The following NEK1 variants were observed in gnomAD, a reference collection of about 807,000 sequenced individuals.
NEK1 encodes NIMA related kinase 1.
A neutral mutation model predicts 182.1 loss-of-function variants in NEK1; 137 were observed. The ratio of observed to expected loss-of-function variants is 0.75; its 90% CI spans 0.65 to 0.87. The LOEUF (loss-of-function observed/expected upper bound fraction) is 0.87, where lower values mean the gene tolerates loss of function less well. NEK1 is among the 40% of genes least tolerant of loss of function. The probability of loss-of-function intolerance (pLI) is 0.00; values close to 1 mark genes in which losing one functional copy is unlikely to be tolerated. For synonymous variants in NEK1, 513 were observed against 492.2 expected, an observed-to-expected ratio of 1.04 and a Z score of -0.56; for missense variants, 1,391 against 1,494.4, an observed-to-expected ratio of 0.93 and a Z score of 1.14.
At chr4:169,551,763 A>G (rs1761456677) in intron 18 of NEK1, among the ~76,000 whole-genome samples, 1 of 152,114 alleles carries the variant, frequency 6.6e-6, no homozygotes. Context: ...TTTTTCTAAA[A>G]CTAACCTACA....
chr4:169,428,723 A>T (rs1736879909), intron 29 of NEK1, among the ~76,000 whole-genome samples: 2 of 152,130 alleles, frequency 1.3e-5, no homozygotes, highest in Admixed American at 1.3e-4. Flanking sequence ...CGTTATGTGA[A>T]TTTTATTCCA....
intron 2 of NEK1, among the ~76,000 whole-genome samples, chr4:169,603,544 G>T (rs1337704155): frequency 6.6e-6 from 1 of 152,150 alleles, no homozygotes; most frequent in East Asian, 1.9e-4. Flanking sequence ...ATTAGTTAAT[G>T]TAAGAATGTA....
chr4:169,451,449 G>A (rs979939758), intron 27 of NEK1, among the ~76,000 whole-genome samples: 11 of 152,118 alleles, frequency 7.2e-5, no homozygotes, highest in Admixed American at 2.0e-4. Context: ...TCAGACCACA[G>A]TGCAATCAAA....
In NEK1 at chr4:169,400,225, C is replaced by T. The variant is rs1561118792; in HGVS notation, c.3847G>A (p.Asp1283Asn). 5 of 1,577,202 alleles carry T rather than the reference C, an allele frequency of 3.2e-6. No individual in the cohort carries two copies. Among genetic ancestry groups the T allele is most frequent in the Non-Finnish European group, 3.5e-6 (4 of 1,158,962 alleles). The change falls in exon 35 of 36, where the codon GAT becomes AAT. Residue 1283 changes from aspartate (D) to asparagine (N), a missense_variant and splice_region_variant. Transcript: ENST00000507142. The stretch of plus-strand genomic sequence containing the variant: ...ATACAGACATGTGAGGAAATCTTAC[C>T]TTCTTGGTAGGCTCCATCTGCCATG... ...LVMADGAYQE[D>N]NDE
intron 32 of NEK1, among the ~76,000 whole-genome samples, chr4:169,405,733 A>T (rs960941570): frequency 2.0e-5 from 3 of 151,952 alleles, no homozygotes; most frequent in East Asian, 2.0e-4. Flanking sequence ...TCTTGGGCTC[A>T]AATGATTTTT....
intron 19 of NEK1, among the ~76,000 whole-genome samples, chr4:169,511,132 A>T (rs1386886209): frequency 6.6e-6 from 1 of 152,134 alleles, no homozygotes; most frequent in East Asian, 1.9e-4. Context: ...AAAAACACCT[A>T]CTTCTTGGGT....
At chr4:169,481,821 G>GT (rs1748083211) in intron 23 of NEK1, among the ~76,000 whole-genome samples, 1 of 152,194 alleles carries the variant, frequency 6.6e-6, no homozygotes, top group African/African-American at 2.4e-5. Context: ...AAGAGAGTCA[G>GT]CCAGTCTTTT....
Position 169,462,065 on chromosome 4 carries a change from G to A in NEK1, c.2587+1178C>T, listed in dbSNP as rs184631164. ...ATTGCATATATTTAATTAATAAAAC[G>A]ACATCAAGGAATCAGAATCTAATAT... On this transcript the variant is annotated intron_variant, in intron 27 of 35. Transcript: ENST00000507142. Among the ~76,000 whole-genome samples, 48 of 152,156 alleles carry A rather than the reference G, an allele frequency of 3.2e-4. 1 individual carries two copies. The East Asian group carries it at 6.7e-3, about 21-fold the overall frequency.
At chr4:169,567,556 T>C (rs1454443937) in intron 12 of NEK1, among the ~76,000 whole-genome samples, 1 of 152,154 alleles carries the variant, frequency 6.6e-6, no homozygotes, top group Non-Finnish European at 1.5e-5. Flanking sequence ...CATGTCACCA[T>C]GCCTGGTTAA....
intron 19 of NEK1, among the ~76,000 whole-genome samples, chr4:169,520,980 C>G: frequency 2.2e-5 from 1 of 45,662 alleles, no homozygotes; most frequent in African/African-American, 8.3e-5. Context: ...GCCCTGCCCC[C>G]AGAGGTGGAG....
intron 27 of NEK1, among the ~76,000 whole-genome samples, chr4:169,446,213 TCAAA>T (rs1474233640): frequency 6.7e-6 from 1 of 149,280 alleles, no homozygotes; most frequent in South Asian, 2.1e-4. Flanking sequence ...CAGAACAAAA[TCAAA>T]CAGACACTAA....
intron 23 of NEK1, among the ~76,000 whole-genome samples, chr4:169,493,781 A>T (rs4317165): frequency 6.6e-6 from 1 of 152,206 alleles, no homozygotes; most frequent in African/African-American, 2.4e-5. Flanking sequence ...TTCAAGAAAT[A>T]TAAGATTATG....
chr4:169,570,804 T>A (rs1299604527), intron 12 of NEK1, among the ~76,000 whole-genome samples: 1 of 152,180 alleles, frequency 6.6e-6, no homozygotes, highest in Non-Finnish European at 1.5e-5. Flanking sequence ...GAAGTAGACA[T>A]GGGAGACTTT....
intron 19 of NEK1, among the ~76,000 whole-genome samples, chr4:169,518,676 A>T (rs1755545745): frequency 1.0e-5 from 1 of 95,252 alleles, no homozygotes; most frequent in Non-Finnish European, 1.9e-5. Context: ...CACTGCTTTG[A>T]ATGCGTCCCA....
chr4:169,515,440 G>A (rs1204995572), intron 19 of NEK1, among the ~76,000 whole-genome samples: 1 of 150,960 alleles, frequency 6.6e-6, no homozygotes, highest in Non-Finnish European at 1.5e-5. Flanking sequence ...ATTAGTTTCT[G>A]CTCTCTATAT....
At chr4:169,446,787 CT>C in intron 27 of NEK1, among the ~76,000 whole-genome samples, 1 of 152,070 alleles carries the variant, frequency 6.6e-6, no homozygotes, top group Admixed American at 6.6e-5. Context: ...CATAAGAGTC[CT>C]TTAATAGCAG....
At chr4:169,530,430 T>C (rs1757495289) in intron 19 of NEK1, among the ~76,000 whole-genome samples, 1 of 152,156 alleles carries the variant, frequency 6.6e-6, no homozygotes, top group Admixed American at 6.5e-5. Context: ...TTCAATAAGT[T>C]ATATGAGATA....
chr4:169,435,884 A>ATT (rs1255912407), intron 28 of NEK1, among the ~76,000 whole-genome samples: 1 of 152,136 alleles, frequency 6.6e-6, no homozygotes, highest in Non-Finnish European at 1.5e-5. Context: ...CTGACTCAAA[A>ATT]AATTGTGAGA....
intron 5 of NEK1, among the ~76,000 whole-genome samples, chr4:169,595,641 A>C (rs1769312075): frequency 6.6e-6 from 1 of 152,166 alleles, no homozygotes; most frequent in Non-Finnish European, 1.5e-5. Context: ...ATGTGGAACC[A>C]GGCTGGGCGC....
Sources: allele counts gnomAD v4.1 joint callset (sites outside exome capture counted in the v4.1 genomes callset), GRCh38; gene constraint gnomAD v4.1.1; transcripts MANE v1.5; gene names NCBI Gene and HGNC (gene_info 2026-07-23, HGNC 2026-07-21).